Variants in WWP1 observed in about 807,000 individuals in gnomAD.
WWP1 encodes the protein NEDD4-like E3 ubiquitin-protein ligase WWP1.
In WWP1, 49 loss-of-function variants were observed where a neutral mutation model predicts 130.6. The ratio of observed to expected loss-of-function variants is 0.38; its 90% CI spans 0.30 to 0.48. WWP1 has a LOEUF of 0.48. Ranked by LOEUF, WWP1 falls within the 20% of genes least tolerant of loss-of-function variation. The pLI is 0.99. For missense variants in WWP1, 809 were observed against 1,100.6 expected (o/e 0.74, Z 3.75); for synonymous variants, 332 against 367.8 (o/e 0.90, Z 1.11).
At chr8:86,392,044 T>A (rs895681291) in intron 5 of WWP1, among the ~76,000 whole-genome samples, 2 of 152,202 alleles carry the variant, frequency 1.3e-5, no homozygotes, top group Non-Finnish European at 2.9e-5. Flanking sequence ...TTAAGTTTTC[T>A]CAGGCAGGTG....
intron 1 of WWP1, among the ~76,000 whole-genome samples, chr8:86,354,238 A>AT (rs1464033572): frequency 1.4e-4 from 21 of 152,214 alleles, no homozygotes; most frequent in Admixed American, 6.5e-4. Flanking sequence ...TGGGTCTATA[A>AT]TACCTTCTCA....
At chr8:86,371,478 G>C (rs1016566279) in intron 2 of WWP1, among the ~76,000 whole-genome samples, 1 of 152,092 alleles carries the variant, frequency 6.6e-6, no homozygotes. Flanking sequence ...AGCCACCACT[G>C]TTGCATGTTT....
intron 17 of WWP1, among the ~76,000 whole-genome samples, chr8:86,441,320 G>A (rs1023445445): frequency 6.6e-6 from 1 of 152,154 alleles, no homozygotes; most frequent in Non-Finnish European, 1.5e-5. Context: ...GTTACAACTG[G>A]ACTTAGTTTT....
At chr8:86,431,582 G>A (rs1412043486) in intron 13 of WWP1, 33 bp from the exon 14 acceptor site, 2 of 1,612,368 alleles carry the variant, frequency 1.2e-6, no homozygotes, top group African/African-American at 2.7e-5. Flanking sequence ...ACCTAGAAAA[G>A]GTTCATCTTG....
In WWP1 at chr8:86,363,565, G is replaced by A. The variant is rs1000033336; in HGVS notation, c.-114-5374G>A. On this transcript the variant is annotated intron_variant, in intron 1 of 24. Transcript: ENST00000517970. ...TCCTGTAATCCCAGCACTTTGGGAG[G>A]CCGAGGTGGGCCGATCACTTGAGGT... Among the ~76,000 whole-genome samples the A allele has an allele frequency of 3.3e-5, 5 of 152,154 alleles. No homozygotes were observed. In the East Asian group the frequency reaches 9.7e-4, roughly 29 times the overall value.
chr8:86,348,032 A>G (rs369853690), intron 1 of WWP1, among the ~76,000 whole-genome samples: 11 of 152,148 alleles, frequency 7.2e-5, no homozygotes, highest in African/African-American at 2.2e-4. Context: ...TCTACCATTG[A>G]AAAAAACCCA....
intron 1 of WWP1, among the ~76,000 whole-genome samples, chr8:86,353,725 C>T (rs551430074): frequency 2.6e-5 from 4 of 152,154 alleles, no homozygotes; most frequent in Non-Finnish European, 4.4e-5. Context: ...TCAAGTGATC[C>T]GCCTGCCTTG....
chr8:86,427,288 T>C (rs936165497), intron 10 of WWP1, among the ~76,000 whole-genome samples: 2 of 152,306 alleles, frequency 1.3e-5, no homozygotes, highest in African/African-American at 4.8e-5. Context: ...CGTAAGGGGC[T>C]TAAAACCTAG....
At chr8:86,351,292 C>G (rs1822900791) in intron 1 of WWP1, among the ~76,000 whole-genome samples, 1 of 152,172 alleles carries the variant, frequency 6.6e-6, no homozygotes, top group South Asian at 2.1e-4. Flanking sequence ...AAAGACAGTT[C>G]TAGCTTCGTT....
In WWP1 at chr8:86,366,961, T is replaced by C. The variant is rs574065420; in HGVS notation, c.-114-1978T>C. On this transcript the variant is annotated intron_variant, in intron 1 of 24. Transcript: ENST00000517970. ...ACATTTTAATGAAATATTTATTTTA[T>C]GCTTTGGAGTTGCTCTATTGAGGGG... Among the ~76,000 whole-genome samples, 7 of 152,358 alleles carry C rather than the reference T, an allele frequency of 4.6e-5. No homozygotes were observed. In the East Asian group the frequency reaches 1.3e-3, roughly 29 times the overall value.
chr8:86,395,374 T>G (rs1407873975), intron 5 of WWP1, among the ~76,000 whole-genome samples: 1 of 150,232 alleles, frequency 6.7e-6, no homozygotes, highest in Admixed American at 6.6e-5. Context: ...AAACTTTATT[T>G]ATGAAAAATA....
At chr8:86,461,466 T>A in intron 23 of WWP1, 146 bp downstream of exon 23, 1 of 717,646 alleles carries the variant, frequency 1.4e-6, no homozygotes, top group Non-Finnish European at 2.3e-6. Context: ...AATGAGTGGC[T>A]AATATCAAAG....
chr8:86,427,349 T>C (rs1029224771), intron 10 of WWP1, among the ~76,000 whole-genome samples: 10 of 151,380 alleles, frequency 6.6e-5, no homozygotes, highest in African/African-American at 2.4e-4. Context: ...TATACCTGTG[T>C]AACAAACCTG....
chr8:86,448,034 A>G, intron 18 of WWP1, 114 bp from the exon 19 acceptor site: 1 of 887,340 alleles, frequency 1.1e-6, no homozygotes. Context: ...TATGCCATTC[A>G]CTTACTGAAT....
chr8:86,402,003 G>A lies in WWP1; in HGVS notation c.540-16G>A. The A allele has an allele frequency of 2.6e-6, 4 of 1,540,822 alleles. No homozygotes were observed. The highest frequency in any genetic ancestry group is 2.6e-6 in the Non-Finnish European group (3 of 1,139,728). ...ATTATACTTAAATGATTGAAATAAG[G>A]CATTTTTTTTTCAAGGTTGGCTGTT... is the stretch of plus-strand genomic sequence containing the variant. On this transcript the variant is annotated splice_polypyrimidine_tract_variant and intron_variant, in intron 7 of 24. Coordinates refer to ENST00000517970, the MANE Select transcript of WWP1 (RefSeq NM_007013.4).
intron 21 of WWP1, 44 bp downstream of exon 21, chr8:86,452,723 G>T (rs1473115532): frequency 6.2e-7 from 1 of 1,601,362 alleles, no homozygotes; most frequent in Non-Finnish European, 8.5e-7. Context: ...GTTAGTGGGG[G>T]GAGGGACTAA....
intron 18 of WWP1, among the ~76,000 whole-genome samples, chr8:86,445,949 G>GTCTTT (rs1191146847): frequency 0.069 from 7,501 of 108,430 alleles, 417 homozygotes; most frequent in Non-Finnish European, 0.085. Flanking sequence ...CTGCTTATAT[G>GTCTTT]TCTTTTCTTT....
intron 5 of WWP1, among the ~76,000 whole-genome samples, chr8:86,397,299 T>C (rs1389454058): frequency 1.3e-5 from 2 of 152,218 alleles, no homozygotes; most frequent in African/African-American, 4.8e-5. Context: ...CACTGATAAC[T>C]TTCTCTTTTA....
At chr8:86,348,333 C>T (rs975980254) in intron 1 of WWP1, among the ~76,000 whole-genome samples, 3 of 152,112 alleles carry the variant, frequency 2.0e-5, no homozygotes, top group Admixed American at 6.5e-5. Context: ...ATTCTCCTGC[C>T]TCAGCCTCCC....
Sources: allele counts gnomAD v4.1 joint callset (sites outside exome capture counted in the v4.1 genomes callset), GRCh38; gene constraint gnomAD v4.1.1; transcripts MANE v1.5; gene names NCBI Gene and HGNC (gene_info 2026-07-23, HGNC 2026-07-21).